TNRC6C: variants seen among roughly 807,000 people sequenced by gnomAD.
The protein encoded by TNRC6C is trinucleotide repeat containing adaptor 6C.
TNRC6C carries 20 observed loss-of-function variants against 153.7 expected under a neutral mutation model. The observed-to-expected ratio is 0.13, with a 90% confidence interval of 0.09 to 0.19. TNRC6C has a LOEUF of 0.19. Ranked by LOEUF, TNRC6C falls within the 10% of genes least tolerant of loss-of-function variation. The probability of loss-of-function intolerance (pLI) is 1.00; values close to 1 mark genes in which losing one functional copy is unlikely to be tolerated. For missense variants in TNRC6C, 1,987 were observed against 2,172.0 expected, an observed-to-expected ratio of 0.91 and a Z score of 1.69; for synonymous variants, 811 against 841.4, an observed-to-expected ratio of 0.96 and a Z score of 0.63.
At chr17:77,960,943 T>C (rs2070856952) in intron 1 of TNRC6C, among the ~76,000 whole-genome samples, 1 of 152,190 alleles carries the variant, frequency 6.6e-6, no homozygotes, top group Admixed American at 6.5e-5. Context: ...TTCATAAGAA[T>C]AGACATTCTT....
At chr17:78,096,639 C>T (rs1394998433) in intron 16 of TNRC6C, among the ~76,000 whole-genome samples, 6 of 152,204 alleles carry the variant, frequency 3.9e-5, no homozygotes, top group African/African-American at 4.8e-5. Context: ...TTTCAGAAAC[C>T]GTCCGATTCT....
rs1326230019 is a variant in TNRC6C at position 78,086,353 on chromosome 17, A to AC, written c.3478-150_3478-149insC. On this transcript the variant is annotated intron_variant, in intron 11 of 19. Transcript: ENST00000301624. ...TAAAAAAAAAAAAAAAAAAAAAAAA[A>AC]AAAAAAACAGTATGTGTCAGCCACA... 7 of 508,338 alleles carry AC rather than the reference A, an allele frequency of 1.4e-5. No homozygotes were observed. In the African/African-American group the frequency reaches 1.5e-4, roughly 11 times the overall value. 31.5% of individuals were successfully genotyped at this position (508,338 alleles called of 1,614,324 possible).
At chr17:78,023,207 A>G (rs2071869890) in intron 1 of TNRC6C, among the ~76,000 whole-genome samples, 1 of 152,230 alleles carries the variant, frequency 6.6e-6, no homozygotes, top group Admixed American at 6.5e-5. Context: ...CTGTTTTATA[A>G]CAGGGACTTG....
intron 1 of TNRC6C, among the ~76,000 whole-genome samples, chr17:77,985,102 T>C (rs924777360): frequency 6.6e-6 from 1 of 152,164 alleles, no homozygotes; most frequent in African/African-American, 2.4e-5. Context: ...ATAAGACAGG[T>C]GTATTCATTT....
upstream of TNRC6C, chr17:78,004,344 A>T (rs2071460126): frequency 3.3e-6 from 4 of 1,229,488 alleles, no homozygotes; most frequent in Non-Finnish European, 4.1e-6. Flanking sequence ...CCATTATATG[A>T]CAAGGTTTCA....
upstream of TNRC6C, among the ~76,000 whole-genome samples, chr17:78,001,273 G>A (rs1423524832): frequency 6.6e-6 from 1 of 152,208 alleles, no homozygotes; most frequent in Non-Finnish European, 1.5e-5. Flanking sequence ...TGAGGTATAG[G>A]TAATTTATAT....
chr17:78,070,235 G>T (rs2072965701), intron 5 of TNRC6C, among the ~76,000 whole-genome samples: 1 of 152,130 alleles, frequency 6.6e-6, no homozygotes, highest in Admixed American at 6.5e-5. Flanking sequence ...TTAAAATCTT[G>T]ACTAATCTGG....
At chr17:77,995,377 A>G (rs776346743) in intron 1 of TNRC6C, among the ~76,000 whole-genome samples, 5 of 152,218 alleles carry the variant, frequency 3.3e-5, no homozygotes, top group Non-Finnish European at 5.9e-5. Context: ...TTCTCCTGCT[A>G]TGTCTCTAGT....
At chr17:78,092,860 G>A in intron 14 of TNRC6C, 73 bp from the exon 17 acceptor site, 1 of 1,388,944 alleles carries the variant, frequency 7.2e-7, no homozygotes, top group Admixed American at 2.0e-5. Context: ...ACATAGGGAG[G>A]CTTAGGGTAT....
intron 3 of TNRC6C, among the ~76,000 whole-genome samples, chr17:78,061,753 A>G (rs889405050): frequency 6.6e-6 from 1 of 152,190 alleles, no homozygotes; most frequent in African/African-American, 2.4e-5. Context: ...GTGTTCTTCC[A>G]TTTCTAAGAT....
intron 1 of TNRC6C, among the ~76,000 whole-genome samples, chr17:78,006,810 T>A (rs1213428913): frequency 1.4e-5 from 2 of 147,986 alleles, no homozygotes; most frequent in Non-Finnish European, 3.0e-5. Flanking sequence ...GAATTTTCTT[T>A]TATTTATTTA....
chr17:78,074,949 G>T (rs984740726), intron 7 of TNRC6C, among the ~76,000 whole-genome samples, 187 bp from the exon 10 acceptor site: 2 of 152,206 alleles, frequency 1.3e-5, no homozygotes, highest in East Asian at 3.9e-4. Context: ...TCCCCTTGCC[G>T]TGAATCCTTG....
At position 78,067,927 on chromosome 17, in the gene TNRC6C, A is replaced by G. The variant is rs769756127; in HGVS notation, c.2778+4A>G. ...CCCCAAAAAAGGACTTCAAAAGGTA[A>G]GTACAACACTCTTAACGACGGTACA... On this transcript the variant is annotated splice_donor_region_variant and intron_variant, in intron 5 of 19. Coordinates refer to ENST00000301624, the Ensembl canonical transcript of TNRC6C. 7.5e-6 allele frequency: 12 copies of G among 1,607,152 alleles called. No homozygotes were observed. The African/African-American group carries it at 1.5e-4, about 20-fold the overall frequency.
intron 4 of TNRC6C, chr17:78,066,486 A>T (rs1043726610): frequency 6.6e-6 from 1 of 152,070 alleles, no homozygotes; most frequent in Admixed American, 6.5e-5. Context: ...ATTTAGATTC[A>T]TGCGCCATTT....
At chr17:78,105,125 T>C (rs2144686706) in exon 20 of TNRC6C, 1 of 364,826 alleles carries the variant, frequency 2.7e-6, no homozygotes, top group Non-Finnish European at 4.8e-6. Context: ...TTTTTTTTTT[T>C]TTTTAAGTAT....
intron 1 of TNRC6C, among the ~76,000 whole-genome samples, chr17:77,995,796 C>T (rs960827096): frequency 3.3e-5 from 5 of 152,124 alleles, no homozygotes; most frequent in African/African-American, 1.2e-4. Context: ...CTGTCATTTT[C>T]TGACTTAATT....
chr17:77,965,855 T>C (rs1201962511), intron 1 of TNRC6C, among the ~76,000 whole-genome samples: 1 of 152,238 alleles, frequency 6.6e-6, no homozygotes, highest in African/African-American at 2.4e-5. Flanking sequence ...GAAAGAAATA[T>C]GTTTACCTTT....
chr17:78,070,262 A>G (rs1310628814), intron 5 of TNRC6C, among the ~76,000 whole-genome samples: 1 of 152,248 alleles, frequency 6.6e-6, no homozygotes, highest in South Asian at 2.1e-4. Context: ...CAGCATAGTA[A>G]TGATTGAAAT....
At chr17:78,056,603 A>G (rs780241860) in intron 3 of TNRC6C, among the ~76,000 whole-genome samples, 9 of 151,958 alleles carry the variant, frequency 5.9e-5, no homozygotes, top group Non-Finnish European at 1.0e-4. Flanking sequence ...AGCTAGGACT[A>G]CAGGTGCCCG....
Sources: gnomAD v4.1 joint callset for allele counts (sites outside exome capture counted in the v4.1 genomes callset) on GRCh38, gnomAD v4.1.1 for gene constraint, MANE v1.5 for transcripts, NCBI Gene and HGNC (gene_info 2026-07-23, HGNC 2026-07-21) for gene names.